NID2: variants seen among roughly 807,000 people sequenced by gnomAD.
The protein encoded by NID2 is nidogen 2.
Under a neutral mutation model 145.4 loss-of-function variants are expected in NID2, and 83 were observed. That is an observed-to-expected ratio of 0.57 (90% confidence interval 0.48 to 0.69). The LOEUF (loss-of-function observed/expected upper bound fraction) is 0.69. Among genes scored for constraint, NID2 ranks in the 30% least tolerant of loss-of-function variants. NID2 has a pLI of 0.00. For synonymous variants in NID2, 739 were observed against 701.3 expected, an observed-to-expected ratio of 1.05 and a Z score of -0.85; for missense variants, 1,807 against 1,765.7, an observed-to-expected ratio of 1.02 and a Z score of -0.42.
chr14:52,044,920 G>T (rs78845021), intron 5 of NID2, among the ~76,000 whole-genome samples: 4,623 of 152,182 alleles, frequency 0.03, 105 homozygotes, highest in Non-Finnish European at 0.043. Flanking sequence ...CACCACTCTG[G>T]CCAGGGACAA....
At chr14:52,037,765 C>G (rs994111256) in intron 9 of NID2, among the ~76,000 whole-genome samples, 2 of 152,218 alleles carry the variant, frequency 1.3e-5, no homozygotes, top group African/African-American at 4.8e-5. Context: ...AGTATTAAGT[C>G]TTCCAATCCA....
chr14:52,064,662 C>A (rs920682600), intron 2 of NID2, among the ~76,000 whole-genome samples: 3 of 152,226 alleles, frequency 2.0e-5, no homozygotes, highest in African/African-American at 7.2e-5. Context: ...TAGCGGGCAA[C>A]CTTGCACTCA....
Position 52,014,281 on chromosome 14 carries a change from C to G in NID2, c.3420+6G>C, listed in dbSNP as rs748508996. On this transcript the variant is annotated splice_donor_region_variant and intron_variant, in intron 16 of 21. Transcript: ENST00000216286. Reference sequence around the variant, plus strand: ...CCCTGCCCCCTACAGGAGAAATCCACTTTACATGCAGAGACAGCAGGGTCT... The same window carrying G: ...CCCTGCCCCCTACAGGAGAAATCCAGTTTACATGCAGAGACAGCAGGGTCT... 6.2e-7 allele frequency: 1 copy of G among 1,614,246 alleles called. No individual in the cohort carries two copies. Among genetic ancestry groups the G allele is most frequent in the Non-Finnish European group, 8.5e-7 (1 of 1,180,046 alleles).
intron 16 of NID2, among the ~76,000 whole-genome samples, chr14:52,012,841 A>C (rs1891083485): frequency 2.0e-5 from 3 of 152,258 alleles, no homozygotes; most frequent in African/African-American, 7.2e-5. Context: ...CAAAGCCAAC[A>C]TTCAGGGGTT....
chr14:52,006,474 C>CA (rs1890787057), intron 20 of NID2, 63 bp downstream of exon 20: 1 of 1,590,630 alleles, frequency 6.3e-7, no homozygotes, highest in East Asian at 2.3e-5. Context: ...TTTGGTAAAA[C>CA]AAGTGGTGTG....
intron 5 of NID2, among the ~76,000 whole-genome samples, chr14:52,050,573 A>G (rs1314058931): frequency 6.6e-6 from 1 of 152,016 alleles, no homozygotes; most frequent in African/African-American, 2.4e-5. Context: ...CTCAGTTTCC[A>G]TCTCTGTAAA....
rs557654574 is a variant in NID2 at position 52,041,021 on chromosome 14, CTT to C, written c.1826-172_1826-171del. 3.0e-4 allele frequency among the ~76,000 whole-genome samples: 46 copies of C among 152,286 alleles called. No individual in the cohort carries two copies. The East Asian group carries it at 4.3e-3, about 14-fold the overall frequency. ...GCTGTTGATTCCATAAGTTCCCAAA[CTT>C]TTCCATTGAAGAATATGGTTTCATC... On this transcript the variant is annotated intron_variant, in intron 7 of 21. Coordinates refer to ENST00000216286, the MANE Select transcript of NID2 (RefSeq NM_007361.4).
chr14:52,056,829 A>G (rs895876272), intron 3 of NID2, among the ~76,000 whole-genome samples: 4 of 152,146 alleles, frequency 2.6e-5, no homozygotes, highest in African/African-American at 9.7e-5. Context: ...CACTGGCCCT[A>G]AACATCATAA....
intron 18 of NID2, chr14:52,008,964 G>A (rs1890902368): frequency 6.6e-6 from 1 of 152,174 alleles, no homozygotes; most frequent in South Asian, 2.1e-4. Flanking sequence ...CTATTAAGTG[G>A]AAATAGGTTA....
intron 2 of NID2, among the ~76,000 whole-genome samples, chr14:52,065,489 T>TATTTATTTATTTATTG (rs1406798620): frequency 8.5e-6 from 1 of 118,200 alleles, no homozygotes; most frequent in East Asian, 2.4e-4. Context: ...CTTTTTTATT[T>TATTTATTTATTTATTG]ATTTATTTAT....
At chr14:52,024,438 A>G (rs186374337) in intron 12 of NID2, among the ~76,000 whole-genome samples, 25 of 152,316 alleles carry the variant, frequency 1.6e-4, no homozygotes, top group Non-Finnish European at 3.1e-4. Context: ...AATGGTCCTC[A>G]AAGAACCGAA....
chr14:52,028,415 C>T (rs1478632343), intron 11 of NID2, among the ~76,000 whole-genome samples: 1 of 152,172 alleles, frequency 6.6e-6, no homozygotes, highest in Non-Finnish European at 1.5e-5. Flanking sequence ...GCTGGGACTA[C>T]AGGCGTGTGC....
intron 14 of NID2, 55 bp from the exon 15 acceptor site, chr14:52,015,330 A>C: frequency 2.6e-6 from 4 of 1,516,852 alleles, no homozygotes; most frequent in Non-Finnish European, 1.8e-6. Context: ...AGTCAAGGAC[A>C]GAATGCAAAA....
intron 18 of NID2, chr14:52,008,421 A>G (rs1229783726): frequency 6.5e-6 from 1 of 153,420 alleles, no homozygotes; most frequent in African/African-American, 2.4e-5. Context: ...GAGAGACTCC[A>G]TGCCTGAGGG....
chr14:52,030,660 AAG>A (rs1891825753), intron 9 of NID2, among the ~76,000 whole-genome samples: 1 of 151,454 alleles, frequency 6.6e-6, no homozygotes, highest in Non-Finnish European at 1.5e-5. Flanking sequence ...GAAAGAAAGA[AAG>A]AAAAAGAAAA....
chr14:52,020,623 G>A (rs1219604260), intron 12 of NID2, among the ~76,000 whole-genome samples: 2 of 151,874 alleles, frequency 1.3e-5, no homozygotes, highest in Middle Eastern at 3.2e-3. Context: ...TGTAACATTC[G>A]TCTGTAGATG....
Position 52,053,585 on chromosome 14 carries a change from T to G in NID2, c.1423A>C (p.Thr475Pro). 1 of 1,612,916 alleles carries G rather than the reference T, an allele frequency of 6.2e-7. No individual in the cohort carries two copies. Among genetic ancestry groups the G allele is most frequent in the Non-Finnish European group, 8.5e-7 (1 of 1,179,192 alleles). Residue 475 changes from threonine (T) to proline (P), a missense_variant, in exon 5 of 22, where the codon ACC becomes CCC. Thr to Pro is a conservative substitution (Grantham distance 38, BLOSUM62 -1). Coordinates refer to ENST00000216286, the MANE Select transcript of NID2 (RefSeq NM_007361.4). ...AGTTTTCTAATGCACTCACCCTCGG[T>G]GTTGGAACCTATGTTGTCTTCCAGT... ...VGLEDNIGSNTEVFTYNAANK... is the reference protein window; with the variant it reads ...VGLEDNIGSNPEVFTYNAANK...
chr14:52,035,436 G>A (rs1168278587), intron 9 of NID2, among the ~76,000 whole-genome samples: 3 of 152,172 alleles, frequency 2.0e-5, no homozygotes, highest in Admixed American at 6.5e-5. Context: ...ATGTCTTTCT[G>A]TGACATGATA....
intron 20 of NID2, 97 bp from the exon 21 acceptor site, chr14:52,005,946 C>G (rs1190114329): frequency 3.5e-6 from 3 of 861,626 alleles, no homozygotes; most frequent in Non-Finnish European, 5.8e-6. Flanking sequence ...AGGAAAATTT[C>G]TGGCAGCCTT....
Sources: allele counts gnomAD v4.1 joint callset (sites outside exome capture counted in the v4.1 genomes callset), GRCh38; gene constraint gnomAD v4.1.1; transcripts MANE v1.5; gene names NCBI Gene and HGNC (gene_info 2026-07-23, HGNC 2026-07-21).